PRKN: variants seen among roughly 807,000 people sequenced by gnomAD.
PRKN encodes parkin RBR E3 ubiquitin protein ligase, also known as E3 ubiquitin-protein ligase parkin.
In PRKN, 56 loss-of-function variants were observed where a neutral mutation model predicts 59.5. The observed-to-expected ratio is 0.94, with a 90% CI of 0.76 to 1.18. The LOEUF (loss-of-function observed/expected upper bound fraction) is 1.18, where lower values mean the gene tolerates loss of function less well. Among genes scored for constraint, PRKN ranks in the 50% most tolerant of loss-of-function variants. The pLI is 0.00. For missense variants in PRKN, 657 were observed against 596.4 expected (o/e 1.10, Z -1.06); for synonymous variants, 250 against 222.1 (o/e 1.13, Z -1.12).
chr6:161,518,719 C>G lies in PRKN; in HGVS notation c.1083+30135G>C, dbSNP rs1044130763. ...TGCAAGTTTCCACACATCCTCCTGC[C>G]TGCTGCAGAGGGCCGGCGGTGTGCC... is the stretch of plus-strand genomic sequence containing the variant. On this transcript the variant is annotated intron_variant, in intron 9 of 11. Coordinates refer to ENST00000366898, the MANE Select transcript of PRKN (RefSeq NM_004562.3). This position sits in a 1 kb window ranked among gnomAD's most constrained non-coding sequence, Gnocchi z 5.0. Among the ~76,000 whole-genome samples the G allele has an allele frequency of 2.6e-5, 4 of 152,236 alleles. No individual in the cohort carries two copies. Among genetic ancestry groups the G allele is most frequent in the African/African-American group, 9.6e-5 (4 of 41,460 alleles).
chr6:161,734,371 C>T (rs950095963), intron 7 of PRKN, among the ~76,000 whole-genome samples: 3 of 152,130 alleles, frequency 2.0e-5, no homozygotes, highest in East Asian at 3.8e-4. Context: ...TCCCAAAATA[C>T]GTTCATTCAA....
At chr6:161,862,012 G>T (rs190405652) in intron 6 of PRKN, among the ~76,000 whole-genome samples, 3 of 152,086 alleles carry the variant, frequency 2.0e-5, no homozygotes, top group Non-Finnish European at 1.5e-5. Flanking sequence ...GGCTGCCCTG[G>T]CATTCCTGGA....
chr6:162,662,719 G>C (rs1235231307), intron 1 of PRKN, among the ~76,000 whole-genome samples: 1 of 152,158 alleles, frequency 6.6e-6, no homozygotes, highest in Non-Finnish European at 1.5e-5. Flanking sequence ...CTAGGTCAAA[G>C]ATCCATTGCT....
intron 2 of PRKN, among the ~76,000 whole-genome samples, chr6:162,306,436 T>G (rs1197057837): frequency 6.6e-6 from 1 of 152,212 alleles, no homozygotes; most frequent in Non-Finnish European, 1.5e-5. Context: ...TCCCTGAATG[T>G]GCAGCTGGGA....
At chr6:162,475,903 C>A (rs939727574) in intron 1 of PRKN, among the ~76,000 whole-genome samples, 3 of 151,876 alleles carry the variant, frequency 2.0e-5, no homozygotes, top group Non-Finnish European at 2.9e-5. Flanking sequence ...AGGCGCACAC[C>A]ACCATGCCCA....
chr6:161,596,895 T>A (rs1781934805), intron 7 of PRKN, among the ~76,000 whole-genome samples: 1 of 152,194 alleles, frequency 6.6e-6, no homozygotes, highest in Non-Finnish European at 1.5e-5. Flanking sequence ...GCAGGGACTC[T>A]CTGACTCAGA....
At position 161,386,875 on chromosome 6, in the gene PRKN, A is replaced by C; in HGVS notation, c.1086T>G (p.Phe362Leu). The change falls in exon 10 of 12, where the codon TTT (phenylalanine) becomes TTG (leucine). Residue 362 changes from phenylalanine (F) to leucine (L), a missense_variant and splice_region_variant. Physicochemically the swap from Phe to Leu is conservative, Grantham distance 22. Transcript: ENST00000366898. This position sits in a 1 kb window ranked among gnomAD's most constrained non-coding sequence, Gnocchi z 4.3. ...CEGGNGLGCGFAFCRECKEAY... is the reference protein window; with the variant it reads ...CEGGNGLGCGLAFCRECKEAY... Reference sequence around the variant, plus strand: ...CTTCTTTACATTCCCGGCAGAAGGCAAACTGCAAAAGAACACACATCCATT... The same window carrying C: ...CTTCTTTACATTCCCGGCAGAAGGCCAACTGCAAAAGAACACACATCCATT... 1 of 1,613,746 alleles carries C rather than the reference A, an allele frequency of 6.2e-7. No individual in the cohort carries two copies. Among genetic ancestry groups the C allele is most frequent in the Non-Finnish European group, 8.5e-7 (1 of 1,179,598 alleles).
intron 1 of PRKN, among the ~76,000 whole-genome samples, chr6:162,576,485 A>G (rs1436796116): frequency 6.6e-6 from 1 of 152,200 alleles, no homozygotes; most frequent in African/African-American, 2.4e-5. Flanking sequence ...GGAATCTCAC[A>G]GGCTTTCCTA....
intron 7 of PRKN, among the ~76,000 whole-genome samples, chr6:161,634,465 T>C (rs1325041681): frequency 6.6e-6 from 1 of 152,196 alleles, no homozygotes; most frequent in Non-Finnish European, 1.5e-5. Context: ...AGTGTGTTCT[T>C]AGGAAAGCTA....
chr6:162,220,795 C>T (rs902361996), intron 3 of PRKN, among the ~76,000 whole-genome samples: 4 of 152,312 alleles, frequency 2.6e-5, no homozygotes, highest in East Asian at 3.9e-4. Context: ...CAACACTTAC[C>T]GAATGACTGA....
intron 4 of PRKN, among the ~76,000 whole-genome samples, chr6:162,086,657 G>A (rs1190685660): frequency 2.6e-5 from 4 of 152,144 alleles, no homozygotes; most frequent in Non-Finnish European, 4.4e-5. Flanking sequence ...CAACATTAGA[G>A]AAAAATGTGG....
chr6:162,565,003 TAAGTA>T, intron 1 of PRKN, among the ~76,000 whole-genome samples: 1 of 152,244 alleles, frequency 6.6e-6, no homozygotes, highest in Admixed American at 6.5e-5. Context: ...ACTCTTACCC[TAAGTA>T]AAAAGACTAA....
At chr6:162,528,376 TCAAGA>T (rs1160415419) in intron 1 of PRKN, among the ~76,000 whole-genome samples, 1 of 151,294 alleles carries the variant, frequency 6.6e-6, no homozygotes, top group Admixed American at 6.6e-5. Flanking sequence ...AAGGCAGGAC[TCAAGA>T]CAAGTTATAA....
chr6:162,316,525 A>C (rs1562665054), intron 2 of PRKN, among the ~76,000 whole-genome samples: 1 of 152,166 alleles, frequency 6.6e-6, no homozygotes, highest in Non-Finnish European at 1.5e-5. Context: ...CATTGCTAAC[A>C]CTGTTCTTTC....
At chr6:162,055,258 A>T (rs1428426878) in intron 4 of PRKN, among the ~76,000 whole-genome samples, 1 of 152,218 alleles carries the variant, frequency 6.6e-6, no homozygotes. Flanking sequence ...CAGATCCTCA[A>T]ATCTTCTAAA....
intron 7 of PRKN, among the ~76,000 whole-genome samples, chr6:161,737,349 G>A (rs1788006023): frequency 6.6e-6 from 1 of 152,224 alleles, no homozygotes; most frequent in Non-Finnish European, 1.5e-5. Context: ...TGCGAAGGCT[G>A]AGGTTCACAT....
chr6:161,874,973 T>TATTA (rs61258288), intron 6 of PRKN, among the ~76,000 whole-genome samples: 1 of 102,730 alleles, frequency 9.7e-6, no homozygotes, highest in African/African-American at 4.5e-5. Flanking sequence ...AATATATAAT[T>TATTA]TATTATATTA....
intron 1 of PRKN, among the ~76,000 whole-genome samples, chr6:162,492,140 T>C (rs1366599462): frequency 1.3e-5 from 2 of 152,228 alleles, no homozygotes; most frequent in Admixed American, 6.5e-5. Context: ...AAGCTTCCAC[T>C]AGTCTCTTAC....
intron 6 of PRKN, among the ~76,000 whole-genome samples, chr6:161,896,214 T>C (rs1392264039): frequency 6.6e-6 from 1 of 152,192 alleles, no homozygotes; most frequent in East Asian, 1.9e-4. Flanking sequence ...CCTCCTCCTA[T>C]TGTAAGGTGG....
Sources: allele counts gnomAD v4.1 joint callset (sites outside exome capture counted in the v4.1 genomes callset), GRCh38; gene constraint gnomAD v4.1.1; non-coding constraint Gnocchi (gnomAD v3.1); transcripts MANE v1.5; gene names NCBI Gene and HGNC (gene_info 2026-07-23, HGNC 2026-07-21).